TRPC5: variants seen among roughly 807,000 people sequenced by gnomAD.
TRPC5 encodes transient receptor potential cation channel subfamily C member 5.
Under a neutral mutation model 56.5 loss-of-function variants are expected in TRPC5, and 9 were observed. The ratio of observed to expected loss-of-function variants is 0.16; its 90% CI spans 0.10 to 0.28. The LOEUF is 0.28. Among genes scored for constraint, TRPC5 ranks in the 10% least tolerant of loss-of-function variants. TRPC5 has a pLI of 1.00. For missense variants in TRPC5, 469 were observed against 748.9 expected (o/e 0.63, Z 4.36); for synonymous variants, 282 against 278.5 (o/e 1.01, Z -0.13).
intron 7 of TRPC5, among the ~76,000 whole-genome samples, chrX:111,790,351 T>A (rs758411296): frequency 4.2e-4 from 47 of 110,982 alleles, no homozygotes; most frequent in South Asian, 2.0e-3. Context: ...TAGGTGGGAA[T>A]TGAACAATGA....
At chrX:111,936,269 A>G (rs904936065) in intron 2 of TRPC5, among the ~76,000 whole-genome samples, 4 of 111,742 alleles carry the variant, frequency 3.6e-5, no homozygotes, top group African/African-American at 1.3e-4. Context: ...GTTGGCATAC[A>G]GAAAGGTTAA....
At chrX:112,079,762 G>A (rs1014580633) in intron 1 of TRPC5, among the ~76,000 whole-genome samples, 3 of 111,535 alleles carry the variant, frequency 2.7e-5, no homozygotes, top group Non-Finnish European at 3.8e-5. Context: ...CAGATATCTG[G>A]TTCAGGTCTC....
chrX:112,037,778 A>G (rs1293853908), intron 1 of TRPC5, among the ~76,000 whole-genome samples: 1 of 111,820 alleles, frequency 8.9e-6, no homozygotes, highest in Non-Finnish European at 1.9e-5. Context: ...CAGTTGGTAG[A>G]GGTGAAATGG....
chrX:112,072,318 C>T (rs1042771497), intron 1 of TRPC5, among the ~76,000 whole-genome samples: 1 of 112,160 alleles, frequency 8.9e-6, no homozygotes, highest in East Asian at 2.8e-4. Flanking sequence ...ATTTGGAAAA[C>T]TCTTAGAACC....
At chrX:111,980,913 A>ATATATATATTATATATATG (rs1367790767) in intron 1 of TRPC5, among the ~76,000 whole-genome samples, 2 of 95,353 alleles carry the variant, frequency 2.1e-5, no homozygotes, top group African/African-American at 8.4e-5. Context: ...ATATATATGT[A>ATATATATATTATATATATG]TATATATATA....
At position 111,887,530 on chromosome X, in the gene TRPC5, A is replaced by AT. The variant is rs1394169523; in HGVS notation, c.900+24760_900+24761insA. Among the ~76,000 whole-genome samples the AT allele has an allele frequency of 2.7e-5, 3 of 112,077 alleles. No individual in the cohort carries two copies. In the East Asian group the frequency reaches 8.5e-4, roughly 32 times the overall value. ...GTATAATATTGGAGGCTACAGAAAA[A>AT]GGGTACAAAACTAGGTTTCTGGTTT... On this transcript the variant is annotated intron_variant, in intron 3 of 10. Transcript: ENST00000262839.
intron 1 of TRPC5, among the ~76,000 whole-genome samples, chrX:111,971,879 T>A (rs992165805): frequency 2.7e-5 from 3 of 111,634 alleles, no homozygotes; most frequent in Non-Finnish European, 1.9e-5. Context: ...AAGCATTTAA[T>A]CTAGTTCTTC....
At chrX:112,001,314 G>A (rs113077556) in intron 1 of TRPC5, among the ~76,000 whole-genome samples, 4,514 of 111,901 alleles carry the variant, frequency 0.04, 94 homozygotes, top group African/African-American at 0.072. Context: ...CAAGAAACTT[G>A]CCTCTCTGTG....
intron 7 of TRPC5, among the ~76,000 whole-genome samples, chrX:111,826,002 C>A (rs903861640): frequency 3.7e-4 from 42 of 112,242 alleles, no homozygotes; most frequent in African/African-American, 1.4e-3. Context: ...AAGAAACAGG[C>A]AGGGAATAGA....
chrX:112,027,733 T>C (rs996797223), intron 1 of TRPC5, among the ~76,000 whole-genome samples: 12 of 111,293 alleles, frequency 1.1e-4, no homozygotes, highest in Non-Finnish European at 1.7e-4. Flanking sequence ...CCTGACCTCA[T>C]GATCCACCCA....
At chrX:111,945,687 C>T (rs1411197836) in intron 2 of TRPC5, among the ~76,000 whole-genome samples, 2 of 111,914 alleles carry the variant, frequency 1.8e-5, no homozygotes, top group African/African-American at 6.5e-5. Context: ...GACTAAAAGA[C>T]GGGGAAGAGC....
intron 6 of TRPC5, among the ~76,000 whole-genome samples, chrX:111,842,499 CAG>C (rs1218133782): frequency 8.9e-6 from 1 of 111,771 alleles, no homozygotes; most frequent in Admixed American, 9.5e-5. Flanking sequence ...TATGTATATA[CAG>C]AGTCTTCATG....
chrX:111,777,621 T>A (rs183312445), intron 10 of TRPC5, among the ~76,000 whole-genome samples: 329 of 111,666 alleles, frequency 2.9e-3, no homozygotes, highest in Admixed American at 7.7e-3. Flanking sequence ...ACTACAAGGT[T>A]TTTCAAGGCC....
chrX:111,935,282 T>C (rs1380792706), intron 2 of TRPC5, among the ~76,000 whole-genome samples: 1 of 112,186 alleles, frequency 8.9e-6, no homozygotes, highest in East Asian at 2.8e-4. Flanking sequence ...AGAAATGTCT[T>C]TGTAGATCTT....
At chrX:111,861,266 GAA>G (rs959280050) in intron 3 of TRPC5, among the ~76,000 whole-genome samples, 2 of 111,926 alleles carry the variant, frequency 1.8e-5, no homozygotes, top group Non-Finnish European at 3.8e-5. Context: ...AGCATTTTAA[GAA>G]AACTTTGTGG....
intron 6 of TRPC5, among the ~76,000 whole-genome samples, chrX:111,839,299 T>C (rs1922657266): frequency 1.8e-5 from 2 of 111,764 alleles, no homozygotes; most frequent in South Asian, 7.5e-4. Flanking sequence ...GGTTAGATGC[T>C]CCTCTTTTTT....
At chrX:111,854,640 G>C (rs1045897993) in intron 3 of TRPC5, among the ~76,000 whole-genome samples, 1 of 112,062 alleles carries the variant, frequency 8.9e-6, no homozygotes, top group Non-Finnish European at 1.9e-5. Context: ...CTTAGTCTAC[G>C]TGAGGTCATC....
intron 7 of TRPC5, among the ~76,000 whole-genome samples, chrX:111,809,581 CT>C (rs1217458119): frequency 2.7e-5 from 3 of 112,174 alleles, no homozygotes; most frequent in African/African-American, 6.5e-5. Flanking sequence ...CTTTTCTACC[CT>C]CTTCAGTGTC....
intron 6 of TRPC5, among the ~76,000 whole-genome samples, chrX:111,837,036 C>T (rs150923126): frequency 3.2e-4 from 36 of 112,652 alleles, no homozygotes; most frequent in Middle Eastern, 9.1e-3. Flanking sequence ...ATCTTTTCAG[C>T]ATCACGCTGC....
Sources: allele counts gnomAD v4.1 joint callset (sites outside exome capture counted in the v4.1 genomes callset), GRCh38; gene constraint gnomAD v4.1.1; transcripts MANE v1.5; gene names NCBI Gene and HGNC (gene_info 2026-07-23, HGNC 2026-07-21).